The following BLTP1 variants were observed in gnomAD, a reference collection of about 807,000 sequenced individuals.
The protein encoded by BLTP1 is fragile site-associated protein.
the BLTP1 span, chr4:122,225,583 C>T: frequency 6.6e-6 from 1 of 151,722 alleles, no homozygotes; most frequent in Non-Finnish European, 1.5e-5. Context: ...TGGAAGAAAT[C>T]GTCAGAGGGT....
chr4:122,277,251 GGATCACTTGAGCCCAAGAGGTCCA>G, the BLTP1 span: 1 of 306,128 alleles, frequency 3.3e-6, no homozygotes, highest in South Asian at 1.3e-4. Context: ...TGAGTTGGGA[GGATCACTTGAGCCCAAGAGGTCCA>G]GGCTATAGTG....
chr4:122,209,431 G>A, the BLTP1 span: 11 of 1,270,244 alleles, frequency 8.7e-6, no homozygotes, highest in East Asian at 2.3e-4. Flanking sequence ...GATCACCTGA[G>A]ATCAGGAGTT....
chr4:122,243,725 A>T, the BLTP1 span: 2 of 1,206,954 alleles, frequency 1.7e-6, no homozygotes, highest in Admixed American at 4.0e-5. Flanking sequence ...TCAAAGAAAA[A>T]AAAAAAGTCA....
the BLTP1 span, chr4:122,362,193 T>A: frequency 1.1e-5 from 18 of 1,613,454 alleles, no homozygotes; most frequent in African/African-American, 2.0e-4. Context: ...AAAAGCTCGG[T>A]ACTGCACTAC....
At chr4:122,274,865 C>T in the BLTP1 span, among the ~76,000 whole-genome samples, 1 of 152,006 alleles carries the variant, frequency 6.6e-6, no homozygotes, top group South Asian at 2.1e-4. Flanking sequence ...TATGTTACAG[C>T]TCTAATAATA....
At chr4:122,216,210 T>G in the BLTP1 span, among the ~76,000 whole-genome samples, 268 of 152,280 alleles carry the variant, frequency 1.8e-3, 1 homozygote, top group African/African-American at 6.2e-3. Flanking sequence ...TTTTCAATTG[T>G]GGACTGCGCT....
the BLTP1 span, chr4:122,172,192 T>C: frequency 1.2e-5 from 5 of 427,692 alleles, no homozygotes; most frequent in Non-Finnish European, 1.6e-5. Context: ...GTGATTGTTT[T>C]GCTTTATCCA....
chr4:122,190,839 T>A, the BLTP1 span, among the ~76,000 whole-genome samples: 1 of 152,178 alleles, frequency 6.6e-6, no homozygotes. Flanking sequence ...TTTTTCATAC[T>A]TCTGCTCTTT....
chr4:122,199,298 C>G, the BLTP1 span: 1 of 1,587,530 alleles, frequency 6.3e-7, no homozygotes, highest in Non-Finnish European at 8.6e-7. Context: ...GGTTCTAGTC[C>G]AAAGATGTTT....
At chr4:122,267,051 A>ATTTTTTTTTTTGTTTTTTT in the BLTP1 span, 1 of 138,564 alleles carries the variant, frequency 7.2e-6, no homozygotes, top group South Asian at 7.6e-5. Flanking sequence ...TAAGGAAGTA[A>ATTTTTTTTTTTGTTTTTTT]TTTTTTTTTT....
chr4:122,230,076 G>T, the BLTP1 span: 1 of 1,614,138 alleles, frequency 6.2e-7, no homozygotes, highest in South Asian at 1.1e-5. Context: ...GCAGTGCTAC[G>T]GAGGGCCTAT....
At chr4:122,219,587 A>G in the BLTP1 span, 14 of 1,555,084 alleles carry the variant, frequency 9.0e-6, no homozygotes, top group Middle Eastern at 1.7e-4. Context: ...TACACATGAA[A>G]GTAGTCTGGA....
chr4:122,228,813 A>C, the BLTP1 span, among the ~76,000 whole-genome samples: 1 of 152,098 alleles, frequency 6.6e-6, no homozygotes, highest in Admixed American at 6.6e-5. Flanking sequence ...TTTACTTTTC[A>C]CTTTACTTTG....
chr4:122,279,986 GTTATT>G, the BLTP1 span: 16 of 1,613,858 alleles, frequency 9.9e-6, no homozygotes, highest in Admixed American at 8.3e-5. Context: ...TACAGCGTAA[GTTATT>G]TTATTTGTTC....
the BLTP1 span, among the ~76,000 whole-genome samples, chr4:122,352,422 C>T: frequency 1.4e-5 from 2 of 146,204 alleles, no homozygotes; most frequent in Admixed American, 6.9e-5. Context: ...TGCAGTGGCA[C>T]GATCTCAGCT....
the BLTP1 span, chr4:122,249,514 C>G: frequency 6.2e-7 from 1 of 1,613,394 alleles, no homozygotes; most frequent in South Asian, 1.1e-5. Flanking sequence ...CACTGCTATT[C>G]CTTTTGAGAA....
the BLTP1 span, chr4:122,152,430 G>C: frequency 7.1e-6 from 7 of 985,666 alleles, no homozygotes; most frequent in East Asian, 1.1e-4. Flanking sequence ...GGCGGCCCCG[G>C]GCGGCGGGGC....
chr4:122,178,835 G>A, the BLTP1 span, among the ~76,000 whole-genome samples: 2 of 152,076 alleles, frequency 1.3e-5, no homozygotes, highest in African/African-American at 4.8e-5. Flanking sequence ...CATAGAAGAT[G>A]TTGAATAAAT....
the BLTP1 span, among the ~76,000 whole-genome samples, chr4:122,198,820 C>G: frequency 6.6e-6 from 1 of 152,058 alleles, no homozygotes; most frequent in Non-Finnish European, 1.5e-5. Flanking sequence ...GAGCAGAATG[C>G]AGGATGCATG....
Sources: gnomAD v4.1 joint callset for allele counts (sites outside exome capture counted in the v4.1 genomes callset) on GRCh38, gnomAD v4.1.1 for gene constraint, MANE v1.5 for transcripts, NCBI Gene and HGNC (gene_info 2026-07-23, HGNC 2026-07-21) for gene names.